Variants in FTO observed in about 807,000 individuals in gnomAD.
FTO encodes the protein FTO alpha-ketoglutarate dependent dioxygenase.
FTO carries 47 observed loss-of-function variants against 63.9 expected under a neutral mutation model. That is an observed-to-expected ratio of 0.74 (90% confidence interval 0.58 to 0.94). FTO has a LOEUF of 0.94. Among genes scored for constraint, FTO ranks in the 40% least tolerant of loss-of-function variants. The probability of loss-of-function intolerance (pLI) is 0.00; values close to 1 mark genes in which losing one functional copy is unlikely to be tolerated. For missense variants in FTO, 562 were observed against 618.1 expected, an observed-to-expected ratio of 0.91 and a Z score of 0.96; for synonymous variants, 207 against 224.4, an observed-to-expected ratio of 0.92 and a Z score of 0.69.
intron 7 of FTO, among the ~76,000 whole-genome samples, chr16:53,930,914 C>T (rs8061397): frequency 0.072 from 11,032 of 152,166 alleles, 538 homozygotes; most frequent in Non-Finnish European, 0.11. Context: ...CTTCATTGTT[C>T]TTTGTTTTTG....
At chr16:53,941,766 T>C (rs1000766863) in intron 8 of FTO, among the ~76,000 whole-genome samples, 4 of 152,194 alleles carry the variant, frequency 2.6e-5, no homozygotes, top group Admixed American at 2.6e-4. Context: ...GGGGAAGCAC[T>C]TGAGCCCAGG....
At chr16:54,010,465 A>G (rs1389600427) in intron 8 of FTO, among the ~76,000 whole-genome samples, 1 of 152,130 alleles carries the variant, frequency 6.6e-6, no homozygotes, top group Non-Finnish European at 1.5e-5. Flanking sequence ...CTAACTCTTC[A>G]TATTAGTAAA....
chr16:53,892,757 C>T lies in FTO; in HGVS notation c.1239+3806C>T, dbSNP rs570342786. Among the ~76,000 whole-genome samples, 7 of 152,262 alleles carry T rather than the reference C, an allele frequency of 4.6e-5. No homozygotes were observed. The South Asian group carries it at 8.3e-4, about 18-fold the overall frequency. On this transcript the variant is annotated intron_variant, in intron 7 of 8. Coordinates refer to ENST00000471389, the MANE Select transcript of FTO (RefSeq NM_001080432.3). ...TGCTTATGAGTAAAGCAACCTTTAT[C>T]GGCCCTCGTACCAGGGAAGAGACTT...
chr16:53,988,115 A>C (rs1268086227), intron 8 of FTO, among the ~76,000 whole-genome samples: 1 of 152,160 alleles, frequency 6.6e-6, no homozygotes, highest in African/African-American at 2.4e-5. Context: ...TGAGACACAA[A>C]ATTTGGACTG....
chr16:53,741,788 A>T (rs922363421), intron 1 of FTO, among the ~76,000 whole-genome samples: 2 of 152,176 alleles, frequency 1.3e-5, no homozygotes, highest in Non-Finnish European at 2.9e-5. Flanking sequence ...TACAATTTCT[A>T]TGGGTCATGA....
intron 1 of FTO, among the ~76,000 whole-genome samples, chr16:53,766,561 C>G (rs1334841747): frequency 6.6e-6 from 1 of 152,080 alleles, no homozygotes; most frequent in Non-Finnish European, 1.5e-5. Context: ...GATAAGAAAA[C>G]TGAGGACGAA....
chr16:53,973,449 C>G (rs990832101), intron 8 of FTO, among the ~76,000 whole-genome samples: 8 of 152,208 alleles, frequency 5.3e-5, no homozygotes, highest in African/African-American at 1.9e-4. Context: ...TAATTGTTCA[C>G]CCATCCTGGG....
chr16:54,102,521 G>A (rs114716206), intron 8 of FTO, among the ~76,000 whole-genome samples: 227 of 151,796 alleles, frequency 1.5e-3, no homozygotes, highest in African/African-American at 5.3e-3. Context: ...GACCAGTCTG[G>A]GCAACCTAGA....
chr16:54,109,828 C>A (rs2086838355), intron 8 of FTO, among the ~76,000 whole-genome samples: 1 of 152,164 alleles, frequency 6.6e-6, no homozygotes, highest in African/African-American at 2.4e-5. Context: ...TCTCTATTGA[C>A]TTTCTACAAA....
chr16:53,751,830 A>C (rs577869236), intron 1 of FTO, among the ~76,000 whole-genome samples: 3 of 152,346 alleles, frequency 2.0e-5, no homozygotes, highest in South Asian at 2.1e-4. Flanking sequence ...TAACAAAAAT[A>C]ATGATGCAGT....
At chr16:53,814,146 T>A (rs2078608740) in intron 2 of FTO, among the ~76,000 whole-genome samples, 1 of 152,090 alleles carries the variant, frequency 6.6e-6, no homozygotes, top group African/African-American at 2.4e-5. Flanking sequence ...TTCAGAGAAG[T>A]TTTGCAGTTT....
intron 8 of FTO, among the ~76,000 whole-genome samples, chr16:54,076,742 C>T (rs1224213789): frequency 6.6e-6 from 1 of 152,048 alleles, no homozygotes; most frequent in Non-Finnish European, 1.5e-5. Context: ...AAAGCCACAC[C>T]TTAAATGCAT....
intron 8 of FTO, among the ~76,000 whole-genome samples, chr16:53,995,746 G>A (rs1316557186): frequency 6.6e-6 from 1 of 152,186 alleles, no homozygotes; most frequent in African/African-American, 2.4e-5. Flanking sequence ...GTGCATAGAG[G>A]TCTCTTGATT....
At chr16:53,845,871 C>G (rs1410109978) in intron 4 of FTO, among the ~76,000 whole-genome samples, 2 of 152,134 alleles carry the variant, frequency 1.3e-5, no homozygotes. Context: ...TTTAATGGCA[C>G]TTAATGTGAT....
At chr16:54,103,856 G>A (rs1264515983) in intron 8 of FTO, among the ~76,000 whole-genome samples, 6 of 152,042 alleles carry the variant, frequency 3.9e-5, no homozygotes, top group South Asian at 2.1e-4. Context: ...TTCACCACTC[G>A]CTATAACAGA....
chr16:54,012,534 C>A (rs1567516047), intron 8 of FTO, among the ~76,000 whole-genome samples: 1 of 152,174 alleles, frequency 6.6e-6, no homozygotes, highest in African/African-American at 2.4e-5. Flanking sequence ...ATGTAGACAA[C>A]CTTCTATTGG....
intron 1 of FTO, among the ~76,000 whole-genome samples, chr16:53,771,678 A>G (rs916690811): frequency 1.3e-5 from 2 of 152,146 alleles, no homozygotes; most frequent in African/African-American, 4.8e-5. Flanking sequence ...TGTTCACAGC[A>G]GCGTTATTCA....
At chr16:53,812,660 A>G (rs1324864937) in intron 2 of FTO, among the ~76,000 whole-genome samples, 1 of 152,114 alleles carries the variant, frequency 6.6e-6, no homozygotes, top group Non-Finnish European at 1.5e-5. Flanking sequence ...CCAGTTATAT[A>G]TAATAATAAT....
intron 8 of FTO, among the ~76,000 whole-genome samples, chr16:54,025,673 C>T (rs1214766965): frequency 6.6e-5 from 10 of 151,212 alleles, no homozygotes; most frequent in East Asian, 3.9e-4. Flanking sequence ...AGTGAGTGAC[C>T]GTGCCACTGC....
Sources: allele counts gnomAD v4.1 joint callset (sites outside exome capture counted in the v4.1 genomes callset), GRCh38; gene constraint gnomAD v4.1.1; transcripts MANE v1.5; gene names NCBI Gene and HGNC (gene_info 2026-07-23, HGNC 2026-07-21).